Variants in ADAMTSL1 observed in about 807,000 individuals in gnomAD.
ADAMTSL1 encodes ADAMTS-like protein 1.
In ADAMTSL1, 126 loss-of-function variants were observed where a neutral mutation model predicts 201.8. The observed-to-expected ratio is 0.62, with a 90% CI of 0.54 to 0.72. The LOEUF (loss-of-function observed/expected upper bound fraction) is 0.72, where lower values mean the gene tolerates loss of function less well. ADAMTSL1 is among the 30% of genes least tolerant of loss of function. The probability of loss-of-function intolerance (pLI) is 0.00; values close to 1 mark genes in which losing one functional copy is unlikely to be tolerated. For missense variants in ADAMTSL1, 2,679 were observed against 2,277.8 expected (o/e 1.18, Z -3.59); for synonymous variants, 1,121 against 903.4 (o/e 1.24, Z -4.32).
chr9:18,115,527 AG>A (rs1390913771), intron 1 of ADAMTSL1, among the ~76,000 whole-genome samples: 1 of 152,174 alleles, frequency 6.6e-6, no homozygotes, highest in Non-Finnish European at 1.5e-5. Flanking sequence ...AAGAGAAAGT[AG>A]GTGCACTTTA....
chr9:18,584,679 T>A (rs1419967545), intron 4 of ADAMTSL1, among the ~76,000 whole-genome samples: 1 of 152,210 alleles, frequency 6.6e-6, no homozygotes, highest in African/African-American at 2.4e-5. Context: ...AGATAGCTGC[T>A]GAAGCATTGT....
At chr9:18,905,137 A>T (rs1055153196) in intron 26 of ADAMTSL1, among the ~76,000 whole-genome samples, 2 of 152,130 alleles carry the variant, frequency 1.3e-5, no homozygotes, top group African/African-American at 4.8e-5. Flanking sequence ...TGTTGGCTAC[A>T]TGTTGGCTAA....
At chr9:18,181,411 A>G (rs1417495074) in intron 2 of ADAMTSL1, among the ~76,000 whole-genome samples, 1 of 152,248 alleles carries the variant, frequency 6.6e-6, no homozygotes, top group African/African-American at 2.4e-5. Context: ...AATATCCAGA[A>G]TCTACAATGA....
At chr9:18,461,983 T>C (rs761789944) in intron 2 of ADAMTSL1, among the ~76,000 whole-genome samples, 36 of 152,308 alleles carry the variant, frequency 2.4e-4, no homozygotes, top group Non-Finnish European at 4.9e-4. Flanking sequence ...AAACTTTCTA[T>C]ATGTGAGTTT....
intron 2 of ADAMTSL1, among the ~76,000 whole-genome samples, chr9:18,247,162 A>T (rs1390157751): frequency 1.3e-5 from 2 of 152,184 alleles, no homozygotes; most frequent in East Asian, 3.8e-4. Flanking sequence ...TGAGATGTAT[A>T]GCATTTTATT....
intron 2 of ADAMTSL1, among the ~76,000 whole-genome samples, chr9:18,234,245 C>G (rs911830751): frequency 6.6e-6 from 1 of 152,082 alleles, no homozygotes; most frequent in Non-Finnish European, 1.5e-5. Context: ...AGGAGCAGAA[C>G]GTGTTGGCAG....
intron 5 of ADAMTSL1, among the ~76,000 whole-genome samples, chr9:18,626,840 T>TCTTTCTTTCC (rs199727189): frequency 1.4e-3 from 106 of 78,426 alleles, no homozygotes; most frequent in Middle Eastern, 7.1e-3. Context: ...TTACTTTCTT[T>TCTTTCTTTCC]TTCTTTCTTT....
chr9:18,773,978 T>A (rs1007517334), intron 17 of ADAMTSL1, among the ~76,000 whole-genome samples: 2 of 152,274 alleles, frequency 1.3e-5, no homozygotes, highest in Non-Finnish European at 2.9e-5. Flanking sequence ...CTTAAATTTC[T>A]TTCAGGGTAG....
chr9:18,694,064 G>A (rs1190441277), intron 13 of ADAMTSL1, among the ~76,000 whole-genome samples: 1 of 152,122 alleles, frequency 6.6e-6, no homozygotes, highest in Non-Finnish European at 1.5e-5. Flanking sequence ...GGCTAGACAA[G>A]GAGGAAGAGG....
intron 2 of ADAMTSL1, among the ~76,000 whole-genome samples, chr9:18,177,601 G>A (rs373041265): frequency 2.6e-5 from 4 of 152,096 alleles, no homozygotes; most frequent in South Asian, 2.1e-4. Flanking sequence ...CCTCCCGTTC[G>A]CAAGGATACT....
At chr9:18,882,572 C>G (rs1828597841) in intron 23 of ADAMTSL1, among the ~76,000 whole-genome samples, 1 of 152,104 alleles carries the variant, frequency 6.6e-6, no homozygotes, top group African/African-American at 2.4e-5. Context: ...GACTTCTCTC[C>G]CCAAGGCCAT....
intron 1 of ADAMTSL1, among the ~76,000 whole-genome samples, chr9:18,081,267 A>T (rs553644213): frequency 6.6e-6 from 1 of 152,306 alleles, no homozygotes; most frequent in Admixed American, 6.5e-5. Flanking sequence ...TCTAGTGTGT[A>T]TGCTATGTAT....
At chr9:17,934,568 T>C (rs775796098) in intron 1 of ADAMTSL1, among the ~76,000 whole-genome samples, 2 of 152,196 alleles carry the variant, frequency 1.3e-5, no homozygotes, top group African/African-American at 2.4e-5. Flanking sequence ...TCAACAATGA[T>C]ACCAAATTTC....
At position 18,534,044 on chromosome 9, in the gene ADAMTSL1, A is replaced by G. The variant is rs1487900163; in HGVS notation, c.237+752A>G. ...TCACCAGAGTTGAGTATAGCAGTAT[A>G]AAAGAGAAGAATTGAAATATATTTT... On this transcript the variant is annotated intron_variant, in intron 3 of 28. Coordinates refer to ENST00000380548, the MANE Select transcript of ADAMTSL1 (RefSeq NM_001040272.6). 2.0e-5 allele frequency among the ~76,000 whole-genome samples: 3 copies of G among 152,220 alleles called. No homozygotes were observed. The East Asian group carries it at 5.8e-4, about 29-fold the overall frequency.
chr9:18,004,895 G>A (rs1819751732), intron 1 of ADAMTSL1, among the ~76,000 whole-genome samples: 1 of 152,052 alleles, frequency 6.6e-6, no homozygotes, highest in Non-Finnish European at 1.5e-5. Flanking sequence ...GTAACTGACT[G>A]TTTAAAAATA....
At chr9:18,398,279 T>C (rs1418056152) in intron 2 of ADAMTSL1, among the ~76,000 whole-genome samples, 4 of 152,178 alleles carry the variant, frequency 2.6e-5, no homozygotes, top group Admixed American at 2.6e-4. Flanking sequence ...TCCCATTGTG[T>C]CATTATGATA....
chr9:18,226,271 C>T (rs530733818), intron 2 of ADAMTSL1, among the ~76,000 whole-genome samples: 17 of 152,258 alleles, frequency 1.1e-4, no homozygotes, highest in Admixed American at 3.3e-4. Flanking sequence ...TACCCTTCAT[C>T]GTAGCAGACC....
chr9:17,907,089 G>A (rs563120007), intron 1 of ADAMTSL1, among the ~76,000 whole-genome samples: 34 of 152,310 alleles, frequency 2.2e-4, no homozygotes, highest in Non-Finnish European at 4.0e-4. Flanking sequence ...TGGGGCTAAG[G>A]CGTACCCTGG....
At chr9:17,989,790 G>C (rs1431147465) in intron 1 of ADAMTSL1, among the ~76,000 whole-genome samples, 6 of 150,950 alleles carry the variant, frequency 4.0e-5, no homozygotes, top group African/African-American at 1.2e-4. Flanking sequence ...GTTGGACATT[G>C]ACATTTTAAG....
Sources: allele counts gnomAD v4.1 joint callset (sites outside exome capture counted in the v4.1 genomes callset), GRCh38; gene constraint gnomAD v4.1.1; transcripts MANE v1.5; gene names NCBI Gene and HGNC (gene_info 2026-07-23, HGNC 2026-07-21).